RAB38: variants seen among roughly 807,000 people sequenced by gnomAD.
RAB38 encodes RAB38, member RAS oncogene family.
RAB38 carries 15 observed loss-of-function variants against 18.4 expected under a neutral mutation model. The ratio of observed to expected loss-of-function variants is 0.82; its 90% CI spans 0.55 to 1.26. RAB38 has a LOEUF of 1.26. Among genes scored for constraint, RAB38 ranks in the 50% most tolerant of loss-of-function variants. The pLI is 0.00. For synonymous variants in RAB38, 101 were observed against 104.4 expected (o/e 0.97, Z 0.20); for missense variants, 294 against 267.4 (o/e 1.10, Z -0.69).
chr11:87,977,343 TTA>T, the RAB38 span, among the ~76,000 whole-genome samples: 4 of 112,510 alleles, frequency 3.6e-5, no homozygotes, highest in African/African-American at 1.1e-4. Context: ...TATTATAAAA[TTA>T]TATATTATAT....
At chr11:88,040,189 A>C in the RAB38 span, among the ~76,000 whole-genome samples, 1 of 152,162 alleles carries the variant, frequency 6.6e-6, no homozygotes, top group East Asian at 1.9e-4. Flanking sequence ...AAACAATAGA[A>C]ATTTATGTTC....
At chr11:87,826,631 T>C in the RAB38 span, among the ~76,000 whole-genome samples, 3 of 152,196 alleles carry the variant, frequency 2.0e-5, no homozygotes, top group East Asian at 3.8e-4. Flanking sequence ...CTGCTTTACA[T>C]ACATCATATT....
Position 88,172,785 on chromosome 11 carries a change from G to A in RAB38, c.202+2398C>T, listed in dbSNP as rs571847063. Among the ~76,000 whole-genome samples, 191 of 152,302 alleles carry A rather than the reference G, an allele frequency of 1.3e-3. 1 individual carries two copies. Among genetic ancestry groups the A allele is most frequent in the African/African-American group, 4.4e-3 (183 of 41,570 alleles). ...GCTTAAACCATGAAACATGGAGCAC[G>A]TGCATGTTCCAACCATTTCCTACAG... On this transcript the variant is annotated intron_variant, in intron 1 of 2. Transcript: ENST00000243662.
At chr11:87,853,326 A>G in the RAB38 span, among the ~76,000 whole-genome samples, 3 of 152,160 alleles carry the variant, frequency 2.0e-5, no homozygotes, top group African/African-American at 7.2e-5. Flanking sequence ...CATGAGGGTG[A>G]GGCCTCCATG....
chr11:87,953,248 C>T, the RAB38 span, among the ~76,000 whole-genome samples: 4 of 152,102 alleles, frequency 2.6e-5, no homozygotes, highest in African/African-American at 9.6e-5. Context: ...AGAAAGAGTT[C>T]GTGTGTGTGT....
the RAB38 span, among the ~76,000 whole-genome samples, chr11:87,882,986 T>C: frequency 4.6e-5 from 7 of 151,952 alleles, no homozygotes; most frequent in African/African-American, 1.7e-4. Flanking sequence ...AGAGGATTCA[T>C]TGAATTTTCA....
At chr11:87,847,949 C>A in the RAB38 span, among the ~76,000 whole-genome samples, 3 of 152,038 alleles carry the variant, frequency 2.0e-5, no homozygotes, top group Admixed American at 2.0e-4. Context: ...TACAGGCCAA[C>A]AATTACCAAT....
chr11:87,962,565 T>C, the RAB38 span, among the ~76,000 whole-genome samples: 1 of 152,110 alleles, frequency 6.6e-6, no homozygotes, highest in Non-Finnish European at 1.5e-5. Context: ...TTGCTATAAA[T>C]TGATATATCC....
chr11:88,027,601 C>A, the RAB38 span, among the ~76,000 whole-genome samples: 5 of 152,230 alleles, frequency 3.3e-5, no homozygotes, highest in Admixed American at 3.3e-4. Flanking sequence ...GTCCTACGCC[C>A]ATGGAGTCTC....
chr11:87,918,814 A>T, the RAB38 span, among the ~76,000 whole-genome samples: 1 of 151,802 alleles, frequency 6.6e-6, no homozygotes, highest in African/African-American at 2.4e-5. Flanking sequence ...CTTCCATTCC[A>T]TAGGTTGTCT....
At chr11:87,938,727 C>T in the RAB38 span, among the ~76,000 whole-genome samples, 10 of 147,994 alleles carry the variant, frequency 6.8e-5, no homozygotes, top group African/African-American at 1.5e-4. Flanking sequence ...TGTGACCATG[C>T]GCATTTCCAG....
chr11:87,857,549 C>T, the RAB38 span, among the ~76,000 whole-genome samples: 3 of 152,144 alleles, frequency 2.0e-5, no homozygotes, highest in African/African-American at 4.8e-5. Flanking sequence ...TTTTAATGGT[C>T]ACCATTCTAA....
At chr11:88,031,824 A>C in the RAB38 span, among the ~76,000 whole-genome samples, 1 of 152,246 alleles carries the variant, frequency 6.6e-6, no homozygotes, top group African/African-American at 2.4e-5. Context: ...TTACAGATTC[A>C]ATACCATTCC....
chr11:88,044,573 G>T, the RAB38 span, among the ~76,000 whole-genome samples: 1 of 152,104 alleles, frequency 6.6e-6, no homozygotes, highest in Non-Finnish European at 1.5e-5. Context: ...GCCAGAAAAT[G>T]CCACTTTCAA....
chr11:87,857,638 G>A, the RAB38 span, among the ~76,000 whole-genome samples: 1 of 152,150 alleles, frequency 6.6e-6, no homozygotes, highest in East Asian at 1.9e-4. Context: ...TTTTTCATGT[G>A]TCTTTTGGCT....
At chr11:88,110,216 G>A (rs1049207113), downstream of RAB38, among the ~76,000 whole-genome samples, 11 of 152,134 alleles carry the variant, frequency 7.2e-5, no homozygotes, top group East Asian at 3.9e-4. Flanking sequence ...TGTCCTTTTC[G>A]GGGATATGGA....
the RAB38 span, among the ~76,000 whole-genome samples, chr11:87,975,898 A>G: frequency 3.1e-4 from 47 of 151,620 alleles, no homozygotes; most frequent in Non-Finnish European, 5.3e-4. Context: ...AACATAGGGT[A>G]TCTCACTAGA....
the RAB38 span, among the ~76,000 whole-genome samples, chr11:87,836,493 T>C: frequency 3.9e-5 from 6 of 152,162 alleles, no homozygotes; most frequent in Non-Finnish European, 7.3e-5. Flanking sequence ...ATTTTTCTCA[T>C]GCCCTTTGCT....
chr11:88,119,098 A>C (rs1015762153), intron 2 of RAB38, among the ~76,000 whole-genome samples: 7 of 152,174 alleles, frequency 4.6e-5, no homozygotes, highest in African/African-American at 1.7e-4. Context: ...TATTATTTAG[A>C]AATTATAACT....
Sources: gnomAD v4.1 joint callset for allele counts (sites outside exome capture counted in the v4.1 genomes callset) on GRCh38, gnomAD v4.1.1 for gene constraint, MANE v1.5 for transcripts, NCBI Gene and HGNC (gene_info 2026-07-23, HGNC 2026-07-21) for gene names.